The following PCDHGA10 variants were observed in gnomAD, a reference collection of about 807,000 sequenced individuals.
PCDHGA10 encodes the protein protocadherin gamma-A10.
PCDHGA10 carries 42 observed loss-of-function variants against 59.5 expected under a neutral mutation model. That is an observed-to-expected ratio of 0.71 (90% CI 0.55 to 0.91). The LOEUF is 0.91. Ranked by LOEUF, PCDHGA10 falls within the 40% of genes least tolerant of loss-of-function variation. The pLI is 0.00. For missense variants in PCDHGA10, 1,111 were observed against 1,198.2 expected (o/e 0.93, Z 1.07); for synonymous variants, 511 against 517.2 (o/e 0.99, Z 0.16).
At chr5:141,417,690 A>T in intron 1 of PCDHGA10, 1 of 1,077,126 alleles carries the variant, frequency 9.3e-7, no homozygotes, top group East Asian at 2.6e-5. Context: ...AGAAAAGAAA[A>T]CCAGCTCCCA....
chr5:141,469,603 GTAAAA>G (rs929191572), intron 1 of PCDHGA10, among the ~76,000 whole-genome samples: 9 of 152,038 alleles, frequency 5.9e-5, no homozygotes, highest in Admixed American at 1.3e-4. Context: ...AACAAAATAA[GTAAAA>G]TAAAATAAAT....
Position 141,491,094 on chromosome 5 carries a change from G to T in PCDHGA10, c.2437-3713G>T. ...TGCCACAGTCCACAGCCCCAGGACT[G>T]TTCCTCGTGTCTACACACACTGGTG... On this transcript the variant is annotated intron_variant, in intron 1 of 3. Transcript: ENST00000398610. This position sits in a 1 kb window ranked among gnomAD's most constrained non-coding sequence, Gnocchi z 6.9. The T allele has an allele frequency of 6.2e-7, 1 of 1,614,202 alleles. No homozygotes were observed. The highest frequency in any genetic ancestry group is 1.1e-5 in the South Asian group (1 of 91,086).
chr5:141,446,623 TGC>T (rs1310809206), intron 1 of PCDHGA10, among the ~76,000 whole-genome samples: 1 of 152,014 alleles, frequency 6.6e-6, no homozygotes, highest in African/African-American at 2.4e-5. Flanking sequence ...ACTACAGGCG[TGC>T]ACCACCACGC....
rs774983500 is a variant in PCDHGA10 at position 141,490,973 on chromosome 5, G to T, written c.2437-3834G>T. ...GACTGGGAACACTCAGCCCCCCAGC[G>T]TCTCCCTCGCTCTGCTCCTCCTGGC... On this transcript the variant is annotated intron_variant, in intron 1 of 3. Transcript: ENST00000398610. The surrounding 1 kb of genome is among the most constrained non-coding windows in gnomAD (Gnocchi z 5.4). 1 of 1,613,932 alleles carries T rather than the reference G, an allele frequency of 6.2e-7. No individual in the cohort carries two copies. The highest frequency in any genetic ancestry group is 1.3e-5 in the African/African-American group (1 of 75,040).
chr5:141,480,660 C>T (rs535356928), intron 1 of PCDHGA10, among the ~76,000 whole-genome samples: 2 of 152,170 alleles, frequency 1.3e-5, no homozygotes, highest in Non-Finnish European at 2.9e-5. Flanking sequence ...ACATTAAAAT[C>T]ACCTAGAGAC....
rs769249726 is a variant in PCDHGA10 at position 141,490,832 on chromosome 5, A to C, written c.2437-3975A>C. On this transcript the variant is annotated intron_variant, in intron 1 of 3. Transcript: ENST00000398610. This position sits in a 1 kb window ranked among gnomAD's most constrained non-coding sequence, Gnocchi z 5.4. Reference sequence around the variant, plus strand: ...GACTATGAATTGCTGCAGATGCTGCAGATTGTGGTGGGGGTTCGAGACTCC... The same window carrying C: ...GACTATGAATTGCTGCAGATGCTGCCGATTGTGGTGGGGGTTCGAGACTCC... 1.5e-5 allele frequency: 25 copies of C among 1,613,796 alleles called. No individual in the cohort carries two copies. In the South Asian group the frequency reaches 2.6e-4, roughly 17 times the overall value.
At position 141,511,199 on chromosome 5, in the gene PCDHGA10, G is replaced by C. The variant is rs1303066281; in HGVS notation, c.*26G>C. On this transcript the variant is annotated 3_prime_UTR_variant, in exon 4 of 4. Coordinates refer to ENST00000398610, the MANE Select transcript of PCDHGA10 (RefSeq NM_018913.3). The stretch of plus-strand genomic sequence containing the variant: ...CATGGAGGCCAGGCCAAGAGCCACA[G>C]GGCGGCCTCTCCCCAACCAGCCCAG... 6.2e-6 allele frequency: 10 copies of C among 1,612,868 alleles called. No individual in the cohort carries two copies. In the East Asian group the frequency reaches 2.2e-4, roughly 36 times the overall value.
Position 141,487,819 on chromosome 5 carries a change from C to T in PCDHGA10, c.2437-6988C>T, listed in dbSNP as rs559702138. 28 of 1,285,530 alleles carry T rather than the reference C, an allele frequency of 2.2e-5. No homozygotes were observed. The highest frequency in any genetic ancestry group is 7.6e-5 in the East Asian group (3 of 39,466). 79.6% of individuals were successfully genotyped at this position (1,285,530 alleles called of 1,614,324 possible). ...AGTTGTCACAGTTTAGCATTGGGGG[C>T]GGGTCATGCCTATATCTGAGTAAGA... is the stretch of plus-strand genomic sequence containing the variant. On this transcript the variant is annotated intron_variant, in intron 1 of 3. Transcript: ENST00000398610. The surrounding 1 kb of genome is among the most constrained non-coding windows in gnomAD (Gnocchi z 5.0).
At chr5:141,420,073 G>A (rs2096463936) in intron 1 of PCDHGA10, 23 of 1,613,964 alleles carry the variant, frequency 1.4e-5, no homozygotes, top group Non-Finnish European at 1.9e-5. Context: ...CCGGACCTGT[G>A]GGTCCCCCCA....
intron 2 of PCDHGA10, among the ~76,000 whole-genome samples, chr5:141,501,109 C>T (rs909874167): frequency 2.0e-5 from 3 of 152,106 alleles, no homozygotes; most frequent in South Asian, 2.1e-4. Context: ...CCTCGTGATC[C>T]GCCTGCCTCA....
At chr5:141,419,290 T>C (rs1160812369) in intron 1 of PCDHGA10, 1 of 1,613,914 alleles carries the variant, frequency 6.2e-7, no homozygotes, top group African/African-American at 1.3e-5. Context: ...TCAGTGCCTC[T>C]GACCCAGACT....
intron 1 of PCDHGA10, among the ~76,000 whole-genome samples, chr5:141,460,958 T>C (rs182414946): frequency 8.2e-6 from 1 of 121,926 alleles, no homozygotes; most frequent in Non-Finnish European, 1.6e-5. Context: ...TATGTATATA[T>C]ATATGTGTGT....
chr5:141,423,323 C>A (rs200492485), intron 1 of PCDHGA10: 91 of 1,614,146 alleles, frequency 5.6e-5, no homozygotes, highest in Non-Finnish European at 4.2e-6. Flanking sequence ...GTGGCGGTGG[C>A]CGCAGTCTCC....
In PCDHGA10 at chr5:141,431,059, C is replaced by G. The variant is rs367774626; in HGVS notation, c.2436+15448C>G. ...GGGAGGAGCTCTGTATGGGGGCCAT[C>G]AAGTGTCAATTAAATCTAGACATTC... On this transcript the variant is annotated intron_variant, in intron 1 of 3. Coordinates refer to ENST00000398610, the MANE Select transcript of PCDHGA10 (RefSeq NM_018913.3). This position sits in a 1 kb window ranked among gnomAD's most constrained non-coding sequence, Gnocchi z 4.8. 1 of 1,614,136 alleles carries G rather than the reference C, an allele frequency of 6.2e-7. No individual in the cohort carries two copies.
chr5:141,490,951 T>G lies in PCDHGA10; in HGVS notation c.2437-3856T>G, dbSNP rs778168052. On this transcript the variant is annotated intron_variant, in intron 1 of 3. Transcript: ENST00000398610. The surrounding 1 kb of genome is among the most constrained non-coding windows in gnomAD (Gnocchi z 5.4). ...AGCTGTGCTGCACCCACGGCCAGACTGGGAACACTCAGCCCCCCAGCGTCT... is the reference window on the plus strand; with the variant it reads ...AGCTGTGCTGCACCCACGGCCAGACGGGGAACACTCAGCCCCCCAGCGTCT... The G allele has an allele frequency of 6.2e-7, 1 of 1,613,638 alleles. No individual in the cohort carries two copies. The highest frequency in any genetic ancestry group is 1.3e-5 in the African/African-American group (1 of 74,900).
At chr5:141,423,193 T>A in intron 1 of PCDHGA10, 2 of 1,613,564 alleles carry the variant, frequency 1.2e-6, no homozygotes, top group Non-Finnish European at 1.7e-6. Context: ...GCCCCCTCTC[T>A]CGGCCACCGT....
chr5:141,416,412 A>G (rs1391280535), intron 1 of PCDHGA10: 1 of 152,182 alleles, frequency 6.6e-6, no homozygotes, highest in Non-Finnish European at 1.5e-5. Flanking sequence ...TTTTTGTTAA[A>G]TTTTCTAGTG....
chr5:141,438,319 T>C (rs934592523), intron 1 of PCDHGA10, among the ~76,000 whole-genome samples: 1 of 151,982 alleles, frequency 6.6e-6, no homozygotes, highest in African/African-American at 2.4e-5. Flanking sequence ...CACCATAATT[T>C]TTCTTATACA....
intron 1 of PCDHGA10, among the ~76,000 whole-genome samples, chr5:141,430,360 T>C (rs570966246): frequency 1.8e-4 from 27 of 151,522 alleles, no homozygotes; most frequent in Middle Eastern, 3.4e-3. Flanking sequence ...TAAAAGCTCA[T>C]TGGGGAAAAA....
Sources: gnomAD v4.1 joint callset for allele counts (sites outside exome capture counted in the v4.1 genomes callset) on GRCh38, gnomAD v4.1.1 for gene constraint, Gnocchi (gnomAD v3.1) non-coding constraint, MANE v1.5 for transcripts, NCBI Gene and HGNC (gene_info 2026-07-23, HGNC 2026-07-21) for gene names.